CHM: variants seen among roughly 807,000 people sequenced by gnomAD.
CHM encodes rab proteins geranylgeranyltransferase component A 1.
Under a neutral mutation model 49.0 loss-of-function variants are expected in CHM, and 10 were observed. That is an observed-to-expected ratio of 0.20 (90% CI 0.13 to 0.35). The LOEUF (loss-of-function observed/expected upper bound fraction) is 0.35. CHM is among the 10% of genes least tolerant of loss of function. The pLI, the probability that CHM is intolerant of heterozygous loss-of-function variation, is 1.00. For missense variants in CHM, 455 were observed against 478.4 expected (o/e 0.95, Z 0.46); for synonymous variants, 184 against 167.5 (o/e 1.10, Z -0.76).
In CHM at chrX:86,013,875, G is replaced by C. The variant is rs150414050; in HGVS notation, c.116+13616C>G. On this transcript the variant is annotated intron_variant, in intron 2 of 14. Coordinates refer to ENST00000357749, the MANE Select transcript of CHM (RefSeq NM_000390.4). ...AAGTTAAAATCAGACACATCTTAAG[G>C]AAGAAGGGGAGAACCGGCAAAGAGG... Among the ~76,000 whole-genome samples the C allele has an allele frequency of 1.6e-3, 182 of 112,359 alleles. No homozygotes were observed. In the East Asian group the frequency reaches 0.016, roughly 10 times the overall value.
intron 2 of CHM, among the ~76,000 whole-genome samples, chrX:86,013,733 CA>C (rs61357908): frequency 1.9e-4 from 15 of 78,444 alleles, no homozygotes; most frequent in African/African-American, 2.2e-4. Context: ...GACTTCGTCT[CA>C]AAAAAAAAAA....
chrX:85,915,140 G>A (rs1305237755), intron 8 of CHM, among the ~76,000 whole-genome samples: 3 of 111,732 alleles, frequency 2.7e-5, no homozygotes, highest in Non-Finnish European at 1.9e-5. Flanking sequence ...GGAAACCCTG[G>A]CATCATCCAG....
At chrX:85,865,787 A>G (rs1409906114) in intron 14 of CHM, among the ~76,000 whole-genome samples, 1 of 112,272 alleles carries the variant, frequency 8.9e-6, no homozygotes, top group Non-Finnish European at 1.9e-5. Flanking sequence ...ATGCTTTAGC[A>G]AAGAGACTAG....
intron 14 of CHM, among the ~76,000 whole-genome samples, chrX:85,869,538 T>C (rs1028369487): frequency 9.0e-6 from 1 of 110,871 alleles, no homozygotes; most frequent in Non-Finnish European, 1.9e-5. Context: ...CCACTCTTTC[T>C]TGTGTTCTAC....
intron 8 of CHM, among the ~76,000 whole-genome samples, chrX:85,949,847 G>A (rs1370312480): frequency 9.4e-6 from 1 of 105,946 alleles, no homozygotes; most frequent in African/African-American, 3.4e-5. Flanking sequence ...CTAGGTCTTG[G>A]ATGAAATAAT....
chrX:85,921,700 T>C (rs1260686217), intron 8 of CHM, among the ~76,000 whole-genome samples: 1 of 112,385 alleles, frequency 8.9e-6, no homozygotes, highest in Non-Finnish European at 1.9e-5. Flanking sequence ...TAGGCATGCC[T>C]ACATGTCACG....
At chrX:85,986,080 G>A (rs1931889201) in intron 2 of CHM, among the ~76,000 whole-genome samples, 1 of 110,940 alleles carries the variant, frequency 9.0e-6, no homozygotes, top group Non-Finnish European at 1.9e-5. Context: ...CCAACTAACT[G>A]TAGTCAACAG....
At chrX:86,024,875 G>A (rs1336649876) in intron 2 of CHM, among the ~76,000 whole-genome samples, 1 of 111,753 alleles carries the variant, frequency 8.9e-6, no homozygotes, top group African/African-American at 3.3e-5. Flanking sequence ...ACTGGGAGCA[G>A]GATGCTGTTT....
chrX:85,963,810 G>A lies in CHM; in HGVS notation c.557C>T (p.Thr186Ile). 3 of 1,211,881 alleles carry A rather than the reference G, an allele frequency of 2.5e-6. No homozygotes were observed. The highest frequency in any genetic ancestry group is 3.3e-6 in the Non-Finnish European group (3 of 895,537). The change falls in exon 5 of 15, where the codon ACT (threonine) becomes ATT (isoleucine). Residue 186 changes from threonine to isoleucine, a missense_variant. Transcript: ENST00000357749. ...GEKENHCDDK[T>I]CVPSTSAEDM... is the part of the protein sequence containing the mutation. ...TTCTGCTGAAGTTGATGGCACACAA[G>A]TTTTATCATCACAATGGTTTTCTTT...
In CHM at chrX:85,909,410, T is replaced by C. The variant is rs141981647; in HGVS notation, c.1244+1851A>G. ...AAGGACTTCCTATACTAGATTCACT[T>C]GGGGTTTTCTTTAAAACTGCAAATT... On this transcript the variant is annotated intron_variant, in intron 9 of 14. Coordinates refer to ENST00000357749, the MANE Select transcript of CHM (RefSeq NM_000390.4). 7.7e-3 allele frequency among the ~76,000 whole-genome samples: 860 copies of C among 111,216 alleles called. 6 individuals carry two copies. The highest frequency in any genetic ancestry group is 0.026 in the African/African-American group (785 of 30,688).
At chrX:85,942,538 G>A (rs946111687) in intron 8 of CHM, among the ~76,000 whole-genome samples, 1 of 111,038 alleles carries the variant, frequency 9.0e-6, no homozygotes, top group East Asian at 2.9e-4. Context: ...AGAACATTTC[G>A]CATATCTCAA....
intron 2 of CHM, among the ~76,000 whole-genome samples, chrX:85,993,159 A>G (rs1932283260): frequency 9.0e-6 from 1 of 111,275 alleles, no homozygotes; most frequent in Non-Finnish European, 1.9e-5. Flanking sequence ...ATCATGACTC[A>G]TGAGCTTATT....
At chrX:85,995,529 G>C (rs1181691313) in intron 2 of CHM, among the ~76,000 whole-genome samples, 2 of 111,693 alleles carry the variant, frequency 1.8e-5, no homozygotes, top group African/African-American at 6.5e-5. Context: ...GCTTATCTTA[G>C]AGAAAAGAGC....
At position 85,956,215 on chromosome X, in the gene CHM, A is replaced by G. The variant is rs1392524059; in HGVS notation, c.1104T>C (p.Tyr368=). Residue 368 remains tyrosine, a synonymous_variant, in exon 8 of 15, where the codon TAT becomes TAC. Coordinates refer to ENST00000357749, the MANE Select transcript of CHM (RefSeq NM_000390.4). ...AAGGAAACAAAAATGGAGTGTTGCCATACCGCCCAAGACAGTGAAGAAAGT... is the reference window on the plus strand; with the variant it reads ...AAGGAAACAAAAATGGAGTGTTGCCGTACCGCCCAAGACAGTGAAGAAAGT... ...TKNFLHCLGR[Y]GNTPFLFPLY... 14 of 1,211,448 alleles carry G rather than the reference A, an allele frequency of 1.2e-5. No homozygotes were observed. The highest frequency in any genetic ancestry group is 1.5e-5 in the Non-Finnish European group (13 of 895,422).
intron 8 of CHM, among the ~76,000 whole-genome samples, chrX:85,919,074 C>T (rs1024171079): frequency 1.8e-5 from 2 of 111,752 alleles, no homozygotes; most frequent in Non-Finnish European, 3.8e-5. Context: ...ACTCTAAAAT[C>T]GACCACATGT....
At chrX:85,938,142 T>C (rs73506417) in intron 8 of CHM, among the ~76,000 whole-genome samples, 3,655 of 111,821 alleles carry the variant, frequency 0.033, 160 homozygotes, top group African/African-American at 0.11. Context: ...ATGAAGATTA[T>C]TGAGTTACTT....
At chrX:85,933,643 C>T (rs1223497146) in intron 8 of CHM, among the ~76,000 whole-genome samples, 1 of 112,179 alleles carries the variant, frequency 8.9e-6, no homozygotes, top group East Asian at 2.8e-4. Flanking sequence ...CCTTTAAATA[C>T]ACCTGAAGAA....
At chrX:85,912,474 T>G (rs997653711) in intron 8 of CHM, among the ~76,000 whole-genome samples, 1 of 111,615 alleles carries the variant, frequency 9.0e-6, no homozygotes, top group African/African-American at 3.3e-5. Flanking sequence ...ATTGAGATTA[T>G]AAAATGGGTA....
intron 1 of CHM, among the ~76,000 whole-genome samples, chrX:86,041,383 A>G (rs957940226): frequency 1.8e-5 from 2 of 110,983 alleles, no homozygotes; most frequent in African/African-American, 6.5e-5. Context: ...GAAGAAGTGC[A>G]AAGCATTTTT....
Sources: allele counts gnomAD v4.1 joint callset (sites outside exome capture counted in the v4.1 genomes callset), GRCh38; gene constraint gnomAD v4.1.1; transcripts MANE v1.5; gene names NCBI Gene and HGNC (gene_info 2026-07-23, HGNC 2026-07-21).